SNX29: variants seen among roughly 807,000 people sequenced by gnomAD.
SNX29 encodes sorting nexin-29.
SNX29 carries 78 observed loss-of-function variants against 102.1 expected under a neutral mutation model. The ratio of observed to expected loss-of-function variants is 0.76; its 90% confidence interval spans 0.64 to 0.92. The LOEUF (loss-of-function observed/expected upper bound fraction) is 0.92. SNX29 is among the 40% of genes least tolerant of loss of function. SNX29 has a pLI of 0.00. For missense variants in SNX29, 1,280 were observed against 1,061.7 expected, an observed-to-expected ratio of 1.21 and a Z score of -2.86; for synonymous variants, 580 against 414.5, an observed-to-expected ratio of 1.40 and a Z score of -4.85.
intron 18 of SNX29, among the ~76,000 whole-genome samples, chr16:12,449,157 A>G (rs1219384429): frequency 6.6e-6 from 1 of 152,124 alleles, no homozygotes; most frequent in Non-Finnish European, 1.5e-5. Flanking sequence ...CAGGCACAGC[A>G]GCAGGGGATA....
intron 20 of SNX29, among the ~76,000 whole-genome samples, chr16:12,555,101 A>C (rs998004705): frequency 6.8e-6 from 1 of 146,288 alleles, no homozygotes; most frequent in Non-Finnish European, 1.6e-5. Flanking sequence ...AGGGCCAATC[A>C]GGGACAATCT....
intron 8 of SNX29, among the ~76,000 whole-genome samples, chr16:12,055,632 G>T (rs1303976542): frequency 6.6e-6 from 1 of 152,192 alleles, no homozygotes; most frequent in African/African-American, 2.4e-5. Context: ...GGGAAGAGTT[G>T]CAGTTCAGGT....
intron 15 of SNX29, among the ~76,000 whole-genome samples, chr16:12,327,561 C>T (rs1352387110): frequency 2.6e-5 from 4 of 152,054 alleles, no homozygotes; most frequent in Non-Finnish European, 4.4e-5. Flanking sequence ...GGGTTAGGGC[C>T]CACCTTAATG....
At chr16:12,157,029 G>A (rs1193150388) in intron 13 of SNX29, among the ~76,000 whole-genome samples, 2 of 152,182 alleles carry the variant, frequency 1.3e-5, no homozygotes, top group Non-Finnish European at 2.9e-5. Context: ...CTGATCCTAG[G>A]AAGCTACAGT....
At chr16:12,386,770 G>A (rs1331566104) in intron 16 of SNX29, among the ~76,000 whole-genome samples, 1 of 152,156 alleles carries the variant, frequency 6.6e-6, no homozygotes, top group Non-Finnish European at 1.5e-5. Context: ...GAGTTGAAGG[G>A]TGAAAAATTA....
Position 12,013,500 on chromosome 16 carries a change from A to AAAAAAAT in SNX29, c.122+10458_122+10459insAAAAATA. Among the ~76,000 whole-genome samples the AAAAAAAT allele has an allele frequency of 4.7e-4, 15 of 31,624 alleles. 2 individuals are homozygous for AAAAAAAT. Among genetic ancestry groups the AAAAAAAT allele is most frequent in the Non-Finnish European group, 8.0e-4 (13 of 16,262 alleles). The allele number at this position is 31,624 out of a possible 152,430, so 20.7% of individuals were successfully genotyped here. On this transcript the variant is annotated intron_variant, in intron 3 of 20. Transcript: ENST00000566228. ...GTCTCTACTGGGGGAAAAAAAAAAAAATATATATATATATATATATATATA... is the reference window on the plus strand; with the variant it reads ...GTCTCTACTGGGGGAAAAAAAAAAAAAAAAAATATATATATATATATATATATATATA...
At chr16:12,565,726 A>G (rs544671141) in intron 20 of SNX29, among the ~76,000 whole-genome samples, 70 of 152,280 alleles carry the variant, frequency 4.6e-4, no homozygotes, top group African/African-American at 1.6e-3. Context: ...CTGCCCGGCT[A>G]CAAGTCCACC....
intron 15 of SNX29, among the ~76,000 whole-genome samples, chr16:12,287,499 C>G (rs2079637703): frequency 6.6e-6 from 1 of 152,196 alleles, no homozygotes; most frequent in African/African-American, 2.4e-5. Flanking sequence ...TCCACTTACC[C>G]TCCTGTTTCC....
intron 15 of SNX29, among the ~76,000 whole-genome samples, chr16:12,299,015 T>C (rs936989746): frequency 7.9e-6 from 1 of 126,402 alleles, no homozygotes; most frequent in Non-Finnish European, 1.6e-5. Flanking sequence ...AAAAAAAAAA[T>C]AGGGCTGGGC....
chr16:12,293,636 A>G lies in SNX29; in HGVS notation c.1782+15600A>G, dbSNP rs1004274281. On this transcript the variant is annotated intron_variant, in intron 15 of 20. Coordinates refer to ENST00000566228, the MANE Select transcript of SNX29 (RefSeq NM_032167.5). The stretch of plus-strand genomic sequence containing the variant: ...TTAACTAAATGAATTATTTAGCTCA[A>G]CTAATAGCGTGCTTTCATCCAATAG... 2.6e-5 allele frequency among the ~76,000 whole-genome samples: 4 copies of G among 152,362 alleles called. No individual in the cohort carries two copies. In the East Asian group the frequency reaches 5.8e-4, roughly 22 times the overall value.
rs139198266 is a variant in SNX29, at chr16:12,451,820, C to T, written c.2038-25899C>T. 5.3e-3 allele frequency among the ~76,000 whole-genome samples: 808 copies of T among 152,270 alleles called. 2 individuals carry two copies. The highest frequency in any genetic ancestry group is 0.014 in the Middle Eastern group (4 of 294). ...CAGAAGTTGCAGTGAGCCCAGATCG[C>T]GCCACTGCATTCTAGCCTGGGTGAC... is the stretch of plus-strand genomic sequence containing the variant. On this transcript the variant is annotated intron_variant, in intron 18 of 20. Transcript: ENST00000566228.
chr16:12,403,385 A>AT (rs2084037523), intron 17 of SNX29, 63 bp from the exon 18 acceptor site: 8 of 1,486,664 alleles, frequency 5.4e-6, no homozygotes, highest in Admixed American at 2.1e-5. Flanking sequence ...CCTCTTTTTT[A>AT]TTTTTTATTT....
rs992015667 is a variant in SNX29, at chr16:12,526,505, C to G, written c.2318+1664C>G. On this transcript the variant is annotated intron_variant, in intron 20 of 20. Coordinates refer to ENST00000566228, the MANE Select transcript of SNX29 (RefSeq NM_032167.5). ...TTTTGTCCTGAATAGAAAACAGTTTCTAGAACGCTTTATTTTTCTTTTCTT... is the reference window on the plus strand; with the variant it reads ...TTTTGTCCTGAATAGAAAACAGTTTGTAGAACGCTTTATTTTTCTTTTCTT... 2.0e-5 allele frequency: 10 copies of G among 503,214 alleles called. No individual in the cohort carries two copies. The East Asian group carries it at 3.2e-4, about 16-fold the overall frequency. 31.2% of individuals were successfully genotyped at this position (503,214 alleles called of 1,614,324 possible).
At chr16:12,477,596 C>T (rs568635088) in intron 18 of SNX29, 123 bp from the exon 19 acceptor site, 2 of 1,130,180 alleles carry the variant, frequency 1.8e-6, no homozygotes, top group East Asian at 2.5e-5. Flanking sequence ...ACTGGGCATC[C>T]AGTGGTGTGT....
intron 20 of SNX29, among the ~76,000 whole-genome samples, chr16:12,538,247 C>T (rs890570015): frequency 1.3e-5 from 2 of 152,082 alleles, no homozygotes; most frequent in Non-Finnish European, 2.9e-5. Flanking sequence ...TCCCTAGTAG[C>T]TGGGATTACA....
chr16:12,514,291 A>C (rs1212893591), intron 19 of SNX29, among the ~76,000 whole-genome samples: 1 of 152,114 alleles, frequency 6.6e-6, no homozygotes, highest in Non-Finnish European at 1.5e-5. Flanking sequence ...AGATTCTCTC[A>C]TGTGGCTTCC....
chr16:12,111,341 AAGCCTGCGTG>A (rs2053494041), intron 11 of SNX29, among the ~76,000 whole-genome samples: 1 of 152,158 alleles, frequency 6.6e-6, no homozygotes, highest in Non-Finnish European at 1.5e-5. Flanking sequence ...GTGGCCTGCA[AAGCCTGCGTG>A]ATGTGACCCC....
intron 4 of SNX29, among the ~76,000 whole-genome samples, chr16:12,035,340 T>G (rs2057445600): frequency 6.6e-6 from 1 of 151,988 alleles, no homozygotes; most frequent in African/African-American, 2.4e-5. Flanking sequence ...GCCTCTCAAG[T>G]AGCTGGGACT....
chr16:12,200,029 C>G (rs1371562632), intron 14 of SNX29, among the ~76,000 whole-genome samples: 3 of 152,052 alleles, frequency 2.0e-5, no homozygotes, highest in Admixed American at 2.0e-4. Flanking sequence ...AACAGAAAGG[C>G]AAGATGGCAG....
Sources: gnomAD v4.1 joint callset for allele counts (sites outside exome capture counted in the v4.1 genomes callset) on GRCh38, gnomAD v4.1.1 for gene constraint, MANE v1.5 for transcripts, NCBI Gene and HGNC (gene_info 2026-07-23, HGNC 2026-07-21) for gene names.